Variants in MOSMO observed in about 807,000 individuals in gnomAD.
MOSMO encodes the protein modulator of smoothened.
Under a neutral mutation model 18.4 loss-of-function variants are expected in MOSMO, and 5 were observed. The observed-to-expected ratio is 0.27, with a 90% CI of 0.14 to 0.57. The LOEUF is 0.57. MOSMO is among the 20% of genes least tolerant of loss of function. MOSMO has a pLI of 0.92. For synonymous variants in MOSMO, 82 were observed against 82.3 expected (o/e 1.00, Z 0.02); for missense variants, 138 against 211.8 (o/e 0.65, Z 2.16).
intron 1 of MOSMO, among the ~76,000 whole-genome samples, chr16:22,011,436 T>C (rs1434157493): frequency 2.6e-5 from 4 of 152,208 alleles, no homozygotes; most frequent in Non-Finnish European, 5.9e-5. Context: ...TAATGATGGC[T>C]TATGGAGTGT....
intron 1 of MOSMO, among the ~76,000 whole-genome samples, chr16:22,012,037 A>G (rs1899542593): frequency 6.6e-6 from 1 of 152,174 alleles, no homozygotes; most frequent in Admixed American, 6.5e-5. Context: ...GCTTATTTCA[A>G]GAGCTGCACA....
Position 22,009,836 on chromosome 16 carries a change from A to AAG in MOSMO, c.106+1433_106+1434dup, listed in dbSNP as rs1313036644. Among the ~76,000 whole-genome samples, 30 of 121,342 alleles carry AAG rather than the reference A, an allele frequency of 2.5e-4. No homozygotes were observed. In the South Asian group the frequency reaches 5.5e-3, roughly 22 times the overall value. The allele number at this position is 121,342 out of a possible 152,430, so 79.6% of individuals were successfully genotyped here. A position where few individuals can be genotyped will look rare whatever the true frequency, so the allele number is the denominator to read the frequency against. On this transcript the variant is annotated intron_variant, in intron 1 of 2. Coordinates refer to ENST00000542527, the MANE Select transcript of MOSMO (RefSeq NM_001164579.2). ...AAAAAAAAAAAAAAAAAAAAAAAAAAAGAGAATTAGCCGGGCATGGTGGCG... is the reference window on the plus strand; with the variant it reads ...AAAAAAAAAAAAAAAAAAAAAAAAAAAGAGAGAATTAGCCGGGCATGGTGGCG...
chr16:22,073,108 G>A (rs1174843686), intron 1 of MOSMO, among the ~76,000 whole-genome samples: 1 of 152,118 alleles, frequency 6.6e-6, no homozygotes. Flanking sequence ...GGCACAGGAG[G>A]TTAAGTTAAA....
chr16:22,040,311 G>A (rs759205395), intron 1 of MOSMO, among the ~76,000 whole-genome samples: 1 of 152,104 alleles, frequency 6.6e-6, no homozygotes, highest in Non-Finnish European at 1.5e-5. Context: ...TAACTAATAG[G>A]TACTAGGCTT....
intron 1 of MOSMO, among the ~76,000 whole-genome samples, chr16:22,041,332 T>A (rs1900206376): frequency 6.6e-6 from 1 of 152,108 alleles, no homozygotes; most frequent in Admixed American, 6.5e-5. Context: ...AGCAGAAAGA[T>A]CCATAGCCTA....
chr16:22,018,558 G>T (rs575590660), intron 1 of MOSMO, among the ~76,000 whole-genome samples: 4 of 152,240 alleles, frequency 2.6e-5, no homozygotes, highest in African/African-American at 7.2e-5. Flanking sequence ...TTCCCTATGC[G>T]ATTGGACTTC....
intron 1 of MOSMO, among the ~76,000 whole-genome samples, chr16:22,030,315 C>G (rs1200610255): frequency 1.3e-5 from 2 of 152,120 alleles, no homozygotes; most frequent in African/African-American, 4.8e-5. Flanking sequence ...CAAATACAGT[C>G]AACGTATTTG....
At chr16:22,037,756 TGAA>T (rs2142000373) in intron 1 of MOSMO, among the ~76,000 whole-genome samples, 1 of 152,250 alleles carries the variant, frequency 6.6e-6, no homozygotes, top group South Asian at 2.1e-4. Flanking sequence ...AGAATACAGA[TGAA>T]GAGATGAATA....
intron 1 of MOSMO, among the ~76,000 whole-genome samples, chr16:22,047,438 G>A (rs573180781): frequency 6.6e-6 from 1 of 151,852 alleles, no homozygotes; most frequent in Non-Finnish European, 1.5e-5. Flanking sequence ...TAGAGACGGG[G>A]TTTCACCATG....
intron 1 of MOSMO, among the ~76,000 whole-genome samples, chr16:22,046,050 C>T (rs1437088630): frequency 3.6e-5 from 5 of 140,442 alleles, no homozygotes; most frequent in Admixed American, 7.2e-5. Flanking sequence ...ACAACAGGCC[C>T]GGGTGTGTGC....
In MOSMO at chr16:22,008,293, G is replaced by A; in HGVS notation, c.-9G>A. ...GGGGCTCGGGGGGTGGGGGGAGCGGGGCGGGGAGATGGATAAACTGACCAT... is the reference window on the plus strand; with the variant it reads ...GGGGCTCGGGGGGTGGGGGGAGCGGAGCGGGGAGATGGATAAACTGACCAT... On this transcript the variant is annotated 5_prime_UTR_variant, in exon 1 of 3. Transcript: ENST00000542527. The A allele has an allele frequency of 6.7e-7, 1 of 1,502,388 alleles. No individual in the cohort carries two copies. Among genetic ancestry groups the A allele is most frequent in the East Asian group, 2.6e-5 (1 of 39,074 alleles). 93.1% of individuals were successfully genotyped at this position (1,502,388 alleles called of 1,614,324 possible).
intron 1 of MOSMO, among the ~76,000 whole-genome samples, chr16:22,049,912 T>C (rs768618889): frequency 6.6e-6 from 1 of 152,180 alleles, no homozygotes; most frequent in Non-Finnish European, 1.5e-5. Flanking sequence ...GGTGTTTGAT[T>C]CCGTATTGTT....
chr16:22,053,892 C>T (rs1900480228), intron 1 of MOSMO, among the ~76,000 whole-genome samples: 1 of 152,146 alleles, frequency 6.6e-6, no homozygotes, highest in Admixed American at 6.5e-5. Flanking sequence ...TCACTTTATG[C>T]TATACTCTTT....
intron 1 of MOSMO, among the ~76,000 whole-genome samples, chr16:22,059,147 G>A (rs1900595365): frequency 6.6e-6 from 1 of 151,974 alleles, no homozygotes; most frequent in Admixed American, 6.5e-5. Flanking sequence ...AATAGACTTG[G>A]CCATTCATTG....
At chr16:22,070,538 T>C (rs1900827841) in intron 1 of MOSMO, among the ~76,000 whole-genome samples, 2 of 151,992 alleles carry the variant, frequency 1.3e-5, no homozygotes, top group South Asian at 2.1e-4. Context: ...TAAGAACAGG[T>C]GAAAGTCACA....
intron 2 of MOSMO, among the ~76,000 whole-genome samples, chr16:22,077,316 C>T (rs1900989647): frequency 6.6e-6 from 1 of 152,142 alleles, no homozygotes; most frequent in Non-Finnish European, 1.5e-5. Context: ...TTTCCATTCC[C>T]CTTAAGCAGA....
At chr16:22,088,891 C>G (rs777094709), downstream of MOSMO, among the ~76,000 whole-genome samples, 11 of 152,006 alleles carry the variant, frequency 7.2e-5, no homozygotes, top group Non-Finnish European at 1.0e-4. Flanking sequence ...TTGCATGATT[C>G]CTTGGCTCAA....
intron 1 of MOSMO, among the ~76,000 whole-genome samples, chr16:22,059,899 A>C (rs1900608993): frequency 1.3e-5 from 2 of 152,184 alleles, no homozygotes; most frequent in Admixed American, 6.5e-5. Flanking sequence ...CAAATTGGCC[A>C]GGTATGGTGG....
intron 1 of MOSMO, among the ~76,000 whole-genome samples, chr16:22,058,906 A>G (rs1334443014): frequency 6.6e-6 from 1 of 152,182 alleles, no homozygotes; most frequent in African/African-American, 2.4e-5. Flanking sequence ...TAGGAAGAAT[A>G]TGGAGTGAGA....
Sources: gnomAD v4.1 joint callset for allele counts (sites outside exome capture counted in the v4.1 genomes callset) on GRCh38, gnomAD v4.1.1 for gene constraint, MANE v1.5 for transcripts, NCBI Gene and HGNC (gene_info 2026-07-23, HGNC 2026-07-21) for gene names.